Variants in DEFB1 observed in about 807,000 individuals in gnomAD.
DEFB1 encodes beta-defensin 1.
DEFB1 carries 4 observed loss-of-function variants against 2.6 expected under a neutral mutation model. The observed-to-expected ratio is 1.53, with a 90% CI of 0.76 to 3.51. The LOEUF is 3.51. Among genes scored for constraint, DEFB1 ranks in the 30% most tolerant of loss-of-function variants. The pLI is 0.01. For missense variants in DEFB1, 162 were observed against 76.9 expected (o/e 2.11, Z -4.14); for synonymous variants, 56 against 28.5 (o/e 1.96, Z -3.07).
intron 1 of DEFB1, among the ~76,000 whole-genome samples, chr8:6,872,404 G>C (rs918969166): frequency 6.6e-6 from 1 of 152,108 alleles, no homozygotes; most frequent in Non-Finnish European, 1.5e-5. Context: ...TTGAACAGCA[G>C]ATATAGAATC....
chr8:6,876,856 AC>A (rs60012050), intron 1 of DEFB1, among the ~76,000 whole-genome samples: 78,476 of 113,246 alleles, frequency 0.69, 25,299 homozygotes, highest in East Asian at 0.79. Flanking sequence ...AAAAAAAAAA[AC>A]AAAAAAACAA....
chr8:6,877,782 G>C lies in DEFB1; in HGVS notation c.61+15C>G. 1 of 1,611,712 alleles carries C rather than the reference G, an allele frequency of 6.2e-7. No individual in the cohort carries two copies. The highest frequency in any genetic ancestry group is 8.5e-7 in the Non-Finnish European group (1 of 1,178,008). On this transcript the variant is annotated intron_variant, in intron 1 of 1. Transcript: ENST00000297439. Reference sequence around the variant, plus strand: ...GCCCTGGGGATGGGAAACTCTTGCAGGTACCAGAGCTTACCTGAGGCCATC... The same window carrying C: ...GCCCTGGGGATGGGAAACTCTTGCACGTACCAGAGCTTACCTGAGGCCATC...
rs56240912 is a variant in DEFB1 at position 6,873,207 on chromosome 8, C to T, written c.62-2381G>A. ...TGAAGGAACAAGGTCCAGTGATGTC[C>T]CCAGAGCATGTAGCTGGTCAAAGAC... On this transcript the variant is annotated intron_variant, in intron 1 of 1. Coordinates refer to ENST00000297439, the MANE Select transcript of DEFB1 (RefSeq NM_005218.4). 7.9e-5 allele frequency among the ~76,000 whole-genome samples: 12 copies of T among 152,176 alleles called. 1 individual carries two copies. The South Asian group carries it at 1.9e-3, about 24-fold the overall frequency.
intron 1 of DEFB1, among the ~76,000 whole-genome samples, chr8:6,876,250 G>A (rs573597427): frequency 1.2e-4 from 18 of 152,298 alleles, no homozygotes; most frequent in African/African-American, 4.3e-4. Flanking sequence ...GCGGAGGCAG[G>A]CGGACCATGA....
chr8:6,872,931 A>T (rs1346090898), intron 1 of DEFB1, among the ~76,000 whole-genome samples: 1 of 152,212 alleles, frequency 6.6e-6, no homozygotes, highest in East Asian at 1.9e-4. Flanking sequence ...CACACTGCGA[A>T]AGATGGAACC....
At chr8:6,873,057 A>G (rs1806380274) in intron 1 of DEFB1, among the ~76,000 whole-genome samples, 1 of 152,240 alleles carries the variant, frequency 6.6e-6, no homozygotes, top group Non-Finnish European at 1.5e-5. Context: ...CAGTAATCAA[A>G]TGGTTGGGTG....
At chr8:6,873,140 G>A (rs5743476) in intron 1 of DEFB1, among the ~76,000 whole-genome samples, 4,539 of 152,240 alleles carry the variant, frequency 0.03, 137 homozygotes, top group South Asian at 0.13. Flanking sequence ...GATGGACTTC[G>A]GAACTCAATT....
rs1345001284 is a variant in DEFB1 at position 6,870,901 on chromosome 8, A to G, written c.62-75T>C. On this transcript the variant is annotated intron_variant, in intron 1 of 1. Coordinates refer to ENST00000297439, the MANE Select transcript of DEFB1 (RefSeq NM_005218.4). ...CGATTTGAGAACATCTCGCGAAAGC[A>G]GAACAAATAACTGCAAAACACCGGA... 2.7e-6 allele frequency: 4 copies of G among 1,492,846 alleles called. No homozygotes were observed. The African/African-American group carries it at 5.6e-5, about 21-fold the overall frequency. 92.5% of individuals were successfully genotyped at this position (1,492,846 alleles called of 1,614,324 possible).
In DEFB1 at chr8:6,872,804, C is replaced by T. The variant is rs150809870; in HGVS notation, c.62-1978G>A. Among the ~76,000 whole-genome samples, 446 of 152,272 alleles carry T rather than the reference C, an allele frequency of 2.9e-3. 1 individual carries two copies. Among genetic ancestry groups the T allele is most frequent in the African/African-American group, 0.01 (432 of 41,548 alleles). ...TTTAATAATCTCGCCATAATGTTGACCTCAAGTAAGATCATGACCAGCTAG... is the reference window on the plus strand; with the variant it reads ...TTTAATAATCTCGCCATAATGTTGATCTCAAGTAAGATCATGACCAGCTAG... On this transcript the variant is annotated intron_variant, in intron 1 of 1. Transcript: ENST00000297439.
At chr8:6,875,396 A>C (rs112735258) in intron 1 of DEFB1, among the ~76,000 whole-genome samples, 2 of 152,206 alleles carry the variant, frequency 1.3e-5, no homozygotes, top group African/African-American at 4.8e-5. Context: ...TTGCATAGAA[A>C]ATACATAAAG....
In DEFB1 at chr8:6,870,615, T is replaced by C; in HGVS notation, c.*66A>G. The C allele has an allele frequency of 6.4e-7, 1 of 1,569,370 alleles. No individual in the cohort carries two copies. The highest frequency in any genetic ancestry group is 8.6e-7 in the Non-Finnish European group (1 of 1,160,588). On this transcript the variant is annotated 3_prime_UTR_variant, in exon 2 of 2. Coordinates refer to ENST00000297439, the MANE Select transcript of DEFB1 (RefSeq NM_005218.4). ...GGTATACTTCAAAAGCAATTTTCCT[T>C]TATTAAAAGAATGCTTATAAAAAGT...
rs2738047 is a variant in DEFB1, at chr8:6,870,776, C to G, written c.112G>C (p.Val38Leu). The G allele has an allele frequency of 4.8e-5, 77 of 1,614,042 alleles. No individual in the cohort carries two copies. The East Asian group carries it at 8.9e-4, about 19-fold the overall frequency. ...TAGAGACATTGCCCTCCACTGCTGACGCAATTGTAATGATCAGATCTGTGG... is the reference window on the plus strand; with the variant it reads ...TAGAGACATTGCCCTCCACTGCTGAGGCAATTGTAATGATCAGATCTGTGG... ...LGHRSDHYNC[V>L]SSGGQCLYSA... The change falls in exon 2 of 2, where the codon GTC becomes CTC. Residue 38 changes from valine to leucine, a missense_variant. By Grantham distance (32) the Val-to-Leu change is conservative (BLOSUM62 1). Transcript: ENST00000297439.
At chr8:6,876,632 C>A (rs930210534) in intron 1 of DEFB1, among the ~76,000 whole-genome samples, 1 of 151,516 alleles carries the variant, frequency 6.6e-6, no homozygotes, top group Non-Finnish European at 1.5e-5. Flanking sequence ...CTTATCTCTA[C>A]GAAAAAATAA....
chr8:6,872,665 C>T (rs1207019423), intron 1 of DEFB1, among the ~76,000 whole-genome samples: 2 of 152,192 alleles, frequency 1.3e-5, no homozygotes, highest in African/African-American at 4.8e-5. Flanking sequence ...CTCAGGGAAG[C>T]ATCTTGGGCC....
chr8:6,873,644 G>A (rs925875017), intron 1 of DEFB1, among the ~76,000 whole-genome samples: 18 of 152,012 alleles, frequency 1.2e-4, no homozygotes, highest in African/African-American at 4.1e-4. Context: ...TATAAGTGGG[G>A]GCTAAACACT....
At chr8:6,873,861 C>G (rs1234287868) in intron 1 of DEFB1, among the ~76,000 whole-genome samples, 1 of 152,158 alleles carries the variant, frequency 6.6e-6, no homozygotes, top group Non-Finnish European at 1.5e-5. Context: ...CTTTTACAAC[C>G]TTTGGTCTGG....
At chr8:6,871,380 G>A (rs183841562) in intron 1 of DEFB1, among the ~76,000 whole-genome samples, 1 of 151,806 alleles carries the variant, frequency 6.6e-6, no homozygotes, top group Non-Finnish European at 1.5e-5. Context: ...TTTCTACTTG[G>A]ACTTTATTTT....
chr8:6,872,272 A>G (rs1249841604), intron 1 of DEFB1, among the ~76,000 whole-genome samples: 2 of 152,166 alleles, frequency 1.3e-5, no homozygotes, highest in Non-Finnish European at 2.9e-5. Context: ...TTCTCAAAGC[A>G]GCACCATCCA....
chr8:6,872,378 G>C (rs543723904), intron 1 of DEFB1, among the ~76,000 whole-genome samples: 1 of 152,350 alleles, frequency 6.6e-6, no homozygotes, highest in South Asian at 2.1e-4. Context: ...TATGTGGCTA[G>C]TGGGTGCTGC....
Sources: allele counts gnomAD v4.1 joint callset (sites outside exome capture counted in the v4.1 genomes callset), GRCh38; gene constraint gnomAD v4.1.1; transcripts MANE v1.5; gene names NCBI Gene and HGNC (gene_info 2026-07-23, HGNC 2026-07-21).